Variants in AFG2A observed in about 807,000 individuals in gnomAD.
The protein encoded by AFG2A is AAA ATPase AFG2A.
At chr4:123,142,863 A>G in the AFG2A span, among the ~76,000 whole-genome samples, 2 of 152,144 alleles carry the variant, frequency 1.3e-5, no homozygotes, top group Non-Finnish European at 2.9e-5. Flanking sequence ...AATTTATACG[A>G]ATCATTTGGC....
chr4:123,164,059 T>C, the AFG2A span, among the ~76,000 whole-genome samples: 38 of 152,312 alleles, frequency 2.5e-4, no homozygotes, highest in Middle Eastern at 3.4e-3. Context: ...CTTACTTTGC[T>C]CTTTCTCTGC....
At chr4:123,245,913 A>G in the AFG2A span, among the ~76,000 whole-genome samples, 1 of 152,224 alleles carries the variant, frequency 6.6e-6, no homozygotes, top group African/African-American at 2.4e-5. Context: ...ATACTCAGCA[A>G]ATATCTGTGG....
At chr4:123,175,400 A>G in the AFG2A span, among the ~76,000 whole-genome samples, 1 of 152,200 alleles carries the variant, frequency 6.6e-6, no homozygotes, top group Non-Finnish European at 1.5e-5. Context: ...GAGATGTTCA[A>G]CCTTATGAGG....
At chr4:123,224,708 T>A in the AFG2A span, among the ~76,000 whole-genome samples, 2 of 152,224 alleles carry the variant, frequency 1.3e-5, no homozygotes, top group Admixed American at 1.3e-4. Context: ...TGATTTATAA[T>A]CATTTGGGTA....
At chr4:123,028,016 A>C in the AFG2A span, among the ~76,000 whole-genome samples, 1 of 150,942 alleles carries the variant, frequency 6.6e-6, no homozygotes, top group Non-Finnish European at 1.5e-5. Context: ...CATTTTATGT[A>C]CTCCTAATTT....
the AFG2A span, among the ~76,000 whole-genome samples, chr4:122,943,537 G>A: frequency 3.0e-4 from 46 of 152,200 alleles, no homozygotes; most frequent in South Asian, 4.4e-3. Context: ...GTCTCTGCAC[G>A]TGAGATGGGT....
the AFG2A span, among the ~76,000 whole-genome samples, chr4:123,227,693 T>C: frequency 2.6e-5 from 4 of 152,324 alleles, no homozygotes; most frequent in African/African-American, 9.6e-5. Context: ...TTCGGTTGAT[T>C]TGAGGTGGAG....
At chr4:123,057,346 G>T in the AFG2A span, 1 of 1,492,614 alleles carries the variant, frequency 6.7e-7, no homozygotes, top group Non-Finnish European at 9.3e-7. Flanking sequence ...CATAATAATA[G>T]CAATTATGGT....
chr4:123,177,044 G>A, the AFG2A span, among the ~76,000 whole-genome samples: 2 of 152,058 alleles, frequency 1.3e-5, no homozygotes, highest in South Asian at 2.1e-4. Context: ...AAAAGCTTTC[G>A]AAGTACAAAA....
the AFG2A span, chr4:123,318,613 T>A: frequency 1.3e-5 from 2 of 152,124 alleles, no homozygotes; most frequent in African/African-American, 4.8e-5. Flanking sequence ...CAGAGTCTCA[T>A]GTTTATGTAT....
the AFG2A span, among the ~76,000 whole-genome samples, chr4:123,017,301 A>G: frequency 3.3e-5 from 5 of 149,566 alleles, no homozygotes; most frequent in South Asian, 2.1e-4. Context: ...TTTTTAATCA[A>G]CGGGAGAGAG....
chr4:123,062,838 T>C, the AFG2A span, among the ~76,000 whole-genome samples: 2 of 152,192 alleles, frequency 1.3e-5, no homozygotes, highest in African/African-American at 4.8e-5. Flanking sequence ...TAGAAATAAA[T>C]TCTATGCAAT....
chr4:123,159,851 T>G, the AFG2A span, among the ~76,000 whole-genome samples: 1 of 152,122 alleles, frequency 6.6e-6, no homozygotes, highest in Non-Finnish European at 1.5e-5. Flanking sequence ...CTTGAGACTC[T>G]CCTAGAATTT....
At chr4:123,058,459 T>C in the AFG2A span, among the ~76,000 whole-genome samples, 24,791 of 152,114 alleles carry the variant, frequency 0.16, 2,457 homozygotes, top group East Asian at 0.45. Context: ...ACGCTGTCTC[T>C]ACTAAAAATA....
chr4:123,199,637 A>C, the AFG2A span, among the ~76,000 whole-genome samples: 1 of 151,676 alleles, frequency 6.6e-6, no homozygotes, highest in Admixed American at 6.6e-5. Flanking sequence ...ACACCTGGCT[A>C]ATTTTTGTAT....
At chr4:122,983,562 A>G in the AFG2A span, among the ~76,000 whole-genome samples, 1 of 151,354 alleles carries the variant, frequency 6.6e-6, no homozygotes, top group Admixed American at 6.6e-5. Context: ...TCTTTGACCC[A>G]TTGATTGTTC....
chr4:123,043,107 A>G, the AFG2A span, among the ~76,000 whole-genome samples: 1 of 152,128 alleles, frequency 6.6e-6, no homozygotes, highest in Non-Finnish European at 1.5e-5. Flanking sequence ...TTGTCTGATA[A>G]TATCTTGTCC....
At chr4:122,986,940 G>A in the AFG2A span, among the ~76,000 whole-genome samples, 1 of 151,992 alleles carries the variant, frequency 6.6e-6, no homozygotes, top group African/African-American at 2.4e-5. Context: ...TACTGTTCCT[G>A]TATAGCTGTA....
the AFG2A span, among the ~76,000 whole-genome samples, chr4:122,999,311 A>C: frequency 2.6e-5 from 4 of 152,082 alleles, no homozygotes; most frequent in South Asian, 8.3e-4. Context: ...TCTTTGGTTT[A>C]ATTAGATCCC....
Sources: allele counts gnomAD v4.1 joint callset (sites outside exome capture counted in the v4.1 genomes callset), GRCh38; gene constraint gnomAD v4.1.1; transcripts MANE v1.5; gene names NCBI Gene and HGNC (gene_info 2026-07-23, HGNC 2026-07-21).